Variants in KIRREL1 observed in about 807,000 individuals in gnomAD.
KIRREL1 encodes the protein kin of IRRE-like protein 1.
Under a neutral mutation model 83.3 loss-of-function variants are expected in KIRREL1, and 25 were observed. The ratio of observed to expected loss-of-function variants is 0.30; its 90% CI spans 0.22 to 0.42. The LOEUF is 0.42. Among genes scored for constraint, KIRREL1 ranks in the 10% least tolerant of loss-of-function variants. The probability of loss-of-function intolerance (pLI) is 1.00; values close to 1 mark genes in which losing one functional copy is unlikely to be tolerated. For synonymous variants in KIRREL1, 388 were observed against 410.4 expected (o/e 0.95, Z 0.66); for missense variants, 812 against 1,032.3 (o/e 0.79, Z 2.92).
Position 158,084,582 on chromosome 1 carries a change from GAGCTCCAGCC to G in KIRREL1, c.510+10_510+19del, listed in dbSNP as rs1300333791. The G allele has an allele frequency of 3.2e-6, 5 of 1,551,246 alleles. No individual in the cohort carries two copies. The highest frequency in any genetic ancestry group is 4.4e-6 in the Non-Finnish European group (5 of 1,146,826). The stretch of plus-strand genomic sequence containing the variant: ...AGGAGGGCGCTGTGGCCAGCACGGT[GAGCTCCAGCC>G]AGCTCCCCCAGCTCCTCCTGGGCCT... On this transcript the variant is annotated splice_donor_5th_base_variant and intron_variant, in intron 4 of 14. Coordinates refer to ENST00000359209, the MANE Select transcript of KIRREL1 (RefSeq NM_018240.7).
chr1:158,091,858 C>T (rs1662206136), intron 11 of KIRREL1, among the ~76,000 whole-genome samples: 1 of 152,224 alleles, frequency 6.6e-6, no homozygotes, highest in Non-Finnish European at 1.5e-5. Flanking sequence ...TTAAAGTGTA[C>T]TGAGCATTTG....
At chr1:158,071,769 C>G (rs1237044012) in intron 1 of KIRREL1, among the ~76,000 whole-genome samples, 1 of 152,176 alleles carries the variant, frequency 6.6e-6, no homozygotes, top group African/African-American at 2.4e-5. Context: ...AGGGCAGGCT[C>G]TGCTCTGTGG....
intron 1 of KIRREL1, among the ~76,000 whole-genome samples, chr1:158,054,063 T>G (rs897164507): frequency 4.0e-5 from 6 of 151,554 alleles, no homozygotes; most frequent in South Asian, 2.1e-4. Flanking sequence ...ATAAAAAAAT[T>G]AGCCAGGTGT....
At chr1:158,072,363 C>T (rs10908615) in intron 1 of KIRREL1, among the ~76,000 whole-genome samples, 129,663 of 152,138 alleles carry the variant, frequency 0.85, 55,746 homozygotes, top group East Asian at 0.96. Flanking sequence ...TTGGAACACC[C>T]GTAGTGTGCC....
chr1:158,068,111 G>A (rs1182403237), intron 1 of KIRREL1, among the ~76,000 whole-genome samples: 1 of 152,150 alleles, frequency 6.6e-6, no homozygotes, highest in African/African-American at 2.4e-5. Context: ...GGCGGTAAAG[G>A]TGGATTCAGT....
rs1286788670 is a variant in KIRREL1 at position 158,094,849 on chromosome 1, C to T, written c.2003C>T (p.Pro668Leu). The part of the protein sequence containing the change: ...ASDYGPEPTP[P>L]GPAAPAGTDT... ...GACTATGGCCCTGAGCCCACACCCC[C>T]TGGCCCTGCTGCCCCAGCTGGCACT... is the stretch of plus-strand genomic sequence containing the variant. The change falls in exon 15 of 15, where the codon CCT becomes CTT. Residue 668 changes from proline to leucine, a missense_variant. Pro to Leu is a moderately conservative substitution (Grantham distance 98). Around this residue, in one of 3 missense-constraint regions of KIRREL1, gnomAD observed 334 missense variants for 383.7 expected, o/e 0.87. Transcript: ENST00000359209. The surrounding 1 kb of genome is among the most constrained non-coding windows in gnomAD (Gnocchi z 4.6). 6.2e-7 allele frequency: 1 copy of T among 1,613,990 alleles called. No individual in the cohort carries two copies. Among genetic ancestry groups the T allele is most frequent in the East Asian group, 2.2e-5 (1 of 44,864 alleles).
intron 1 of KIRREL1, among the ~76,000 whole-genome samples, chr1:158,058,580 G>C (rs1249592695): frequency 6.6e-6 from 1 of 152,110 alleles, no homozygotes; most frequent in Non-Finnish European, 1.5e-5. Context: ...TAGGAATTCT[G>C]ACACCTAGGT....
chr1:158,001,347 TTC>T (rs1659355255), intron 1 of KIRREL1, among the ~76,000 whole-genome samples: 2 of 152,226 alleles, frequency 1.3e-5, no homozygotes, highest in African/African-American at 4.8e-5. Flanking sequence ...TAGGCCTCAG[TTC>T]TCTCTTTCAC....
chr1:157,993,744 C>A lies in KIRREL1; in HGVS notation c.52+16C>A. 6.8e-7 allele frequency: 1 copy of A among 1,476,664 alleles called. No individual in the cohort carries two copies. Among genetic ancestry groups the A allele is most frequent in the Non-Finnish European group, 9.0e-7 (1 of 1,108,046 alleles). 91.5% of individuals were successfully genotyped at this position (1,476,664 alleles called of 1,614,324 possible). A position where few individuals can be genotyped will look rare whatever the true frequency, so the allele number is the denominator to read the frequency against. The stretch of plus-strand genomic sequence containing the variant: ...TTCTCCCAAGGTAAGGGCCCCCAGC[C>A]CACCCCCGGACGCTCGGCTTCCCCC... On this transcript the variant is annotated intron_variant, in intron 1 of 14. Transcript: ENST00000359209.
chr1:158,094,965 G>A lies in KIRREL1; in HGVS notation c.2119G>A (p.Gly707Ser), dbSNP rs965593195. The change falls in exon 15 of 15, where the codon GGC becomes AGC. Residue 707 changes from glycine to serine, a missense_variant. Gly to Ser is a moderately conservative substitution (Grantham distance 56). This residue lies in a region of KIRREL1 where 334 missense variants were observed against 383.7 expected (regional missense o/e 0.87). Coordinates refer to ENST00000359209, the MANE Select transcript of KIRREL1 (RefSeq NM_018240.7). This position sits in a 1 kb window ranked among gnomAD's most constrained non-coding sequence, Gnocchi z 4.6. ...AGCTGGGTACCCCACCTACCGACTGGGCTACCCCCAGGCCCCACCCTCTGG... is the reference window on the plus strand; with the variant it reads ...AGCTGGGTACCCCACCTACCGACTGAGCTACCCCCAGGCCCCACCCTCTGG... ...GAAGYPTYRL[G>S]YPQAPPSGLE... 11 of 1,613,860 alleles carry A rather than the reference G, an allele frequency of 6.8e-6. No individual in the cohort carries two copies. Among genetic ancestry groups the A allele is most frequent in the Non-Finnish European group, 9.3e-6 (11 of 1,179,954 alleles).
Position 158,093,663 on chromosome 1 carries a change from G to A in KIRREL1, c.1620G>A (p.Val540=), listed in dbSNP as rs767298948. The A allele has an allele frequency of 1.1e-5, 18 of 1,614,198 alleles. 1 individual carries two copies. The South Asian group carries it at 1.9e-4, about 17-fold the overall frequency. The change falls in exon 13 of 15, where the codon GTG becomes GTA. Residue 540 remains valine, a synonymous_variant. Coordinates refer to ENST00000359209, the MANE Select transcript of KIRREL1 (RefSeq NM_018240.7). ...CCCTGAGGAAGCTGGATATCAAGGT[G>A]GAGACAGTGAACCGAGAGCCACTTA... is the stretch of plus-strand genomic sequence containing the variant. ...DVTLRKLDIK[V]ETVNREPLTM...
chr1:158,033,020 C>A (rs1660372766), intron 1 of KIRREL1, among the ~76,000 whole-genome samples: 2 of 152,182 alleles, frequency 1.3e-5, no homozygotes, highest in African/African-American at 4.8e-5. Flanking sequence ...ATCTGCCCGC[C>A]TCAGCCTCCC....
intron 1 of KIRREL1, among the ~76,000 whole-genome samples, chr1:158,032,106 AAC>A (rs1491276210): frequency 5.3e-5 from 8 of 151,490 alleles, no homozygotes; most frequent in East Asian, 1.9e-4. Context: ...AAGAAAAACA[AAC>A]AAACAAACAC....
intron 1 of KIRREL1, among the ~76,000 whole-genome samples, chr1:158,061,186 A>G (rs1279102190): frequency 6.6e-6 from 1 of 152,036 alleles, no homozygotes; most frequent in Admixed American, 6.6e-5. Flanking sequence ...GTTGGAATGC[A>G]TGGCACCCTG....
In KIRREL1 at chr1:158,024,114, A is replaced by G. The variant is rs181199954; in HGVS notation, c.52+30386A>G. ...AGGTGCATGCCACTGCACCTGGCTA[A>G]TTTTTTGTATTTTTGGTAGAGACGG... On this transcript the variant is annotated intron_variant, in intron 1 of 14. Transcript: ENST00000359209. Among the ~76,000 whole-genome samples, 404 of 151,536 alleles carry G rather than the reference A, an allele frequency of 2.7e-3. 4 individuals carry two copies. Among genetic ancestry groups the G allele is most frequent in the African/African-American group, 9.5e-3 (390 of 41,236 alleles).
At chr1:158,052,828 G>A (rs1393433703) in intron 1 of KIRREL1, among the ~76,000 whole-genome samples, 1 of 152,054 alleles carries the variant, frequency 6.6e-6, no homozygotes, top group Non-Finnish European at 1.5e-5. Context: ...CGGTTCTGCA[G>A]GCACCAATAT....
chr1:158,069,157 A>G (rs1274837746), intron 1 of KIRREL1, among the ~76,000 whole-genome samples: 1 of 152,138 alleles, frequency 6.6e-6, no homozygotes, highest in African/African-American at 2.4e-5. Flanking sequence ...GCACGTGTGC[A>G]GAGACACGGA....
In KIRREL1 at chr1:158,089,744, G is replaced by A; in HGVS notation, c.1198G>A (p.Val400Met). 1 of 1,614,212 alleles carries A rather than the reference G, an allele frequency of 6.2e-7. No individual in the cohort carries two copies. Among genetic ancestry groups the A allele is most frequent in the Non-Finnish European group, 8.5e-7 (1 of 1,180,030 alleles). ...GCCCCCCATCATCTCCAGTGAGGCA[G>A]TGCAGTATGCTGTGAGGGGTGACGG... ...NGPPIISSEA[V>M]QYAVRGDGGK... The change falls in exon 10 of 15, where the codon GTG becomes ATG. Residue 400 changes from valine to methionine, a missense_variant. This residue lies in a region of KIRREL1 where 472 missense variants were observed against 626.8 expected (regional missense o/e 0.75). Transcript: ENST00000359209.
At chr1:158,068,741 C>T (rs1030761731) in intron 1 of KIRREL1, among the ~76,000 whole-genome samples, 2 of 151,914 alleles carry the variant, frequency 1.3e-5, no homozygotes, top group African/African-American at 4.8e-5. Context: ...TGAGAGAACC[C>T]AATGTGAGGG....
Sources: gnomAD v4.1 joint callset for allele counts (sites outside exome capture counted in the v4.1 genomes callset) on GRCh38, gnomAD v4.1.1 for gene constraint, gnomAD v4.1.1 regional missense constraint, Gnocchi (gnomAD v3.1) non-coding constraint, MANE v1.5 for transcripts, NCBI Gene and HGNC (gene_info 2026-07-23, HGNC 2026-07-21) for gene names.